ZSWIM9: variants seen among roughly 807,000 people sequenced by gnomAD.
ZSWIM9 encodes the protein zinc finger SWIM-type containing 9, also known as uncharacterized protein ZSWIM9.
Under a neutral mutation model 25.0 loss-of-function variants are expected in ZSWIM9, and 11 were observed. The ratio of observed to expected loss-of-function variants is 0.44; its 90% CI spans 0.28 to 0.73. The LOEUF (loss-of-function observed/expected upper bound fraction) is 0.73, where lower values mean the gene tolerates loss of function less well. ZSWIM9 is among the 30% of genes least tolerant of loss of function. The pLI, the probability that ZSWIM9 is intolerant of heterozygous loss-of-function variation, is 0.16. For missense variants in ZSWIM9, 1,070 were observed against 1,296.5 expected (o/e 0.83, Z 2.68); for synonymous variants, 562 against 582.1 (o/e 0.97, Z 0.50).
In ZSWIM9 at chr19:48,196,442, A is replaced by T; in HGVS notation, c.2378A>T (p.Asp793Val). ...AARSEHLAAG[D>V]GLQEGGEDGP... Reference sequence around the variant, plus strand: ...AGGAGTGAACACCTGGCTGCAGGTGACGGCCTGCAGGAAGGAGGCGAAGAT... The same window carrying T: ...AGGAGTGAACACCTGGCTGCAGGTGTCGGCCTGCAGGAAGGAGGCGAAGAT... The change falls in exon 4 of 4, where the codon GAC (aspartate) becomes GTC (valine). Residue 793 changes from aspartate (D) to valine (V), a missense_variant. By Grantham distance (152) the Asp-to-Val change is radical. This residue lies in a region of ZSWIM9 where 583 missense variants were observed against 624.7 expected (regional missense o/e 0.93). Transcript: ENST00000614654. The T allele has an allele frequency of 8.1e-7, 1 of 1,232,404 alleles. No individual in the cohort carries two copies. Among genetic ancestry groups the T allele is most frequent in the Non-Finnish European group, 1.0e-6 (1 of 988,270 alleles). 76.3% of individuals were successfully genotyped at this position (1,232,404 alleles called of 1,614,324 possible).
At chr19:48,173,743 T>C (rs1007505600) in intron 2 of ZSWIM9, among the ~76,000 whole-genome samples, 3 of 152,132 alleles carry the variant, frequency 2.0e-5, no homozygotes, top group African/African-American at 7.2e-5. Context: ...CTCAAGCAAT[T>C]CTCCTGCCTT....
intron 3 of ZSWIM9, among the ~76,000 whole-genome samples, chr19:48,183,435 T>C (rs987642510): frequency 1.3e-5 from 2 of 151,754 alleles, no homozygotes; most frequent in African/African-American, 4.8e-5. Context: ...CCTGAATTTA[T>C]TCTAATTAAT....
Position 48,171,840 on chromosome 19 carries a change from G to GGCAGGAGGA in ZSWIM9, c.46_54dup (p.Glu16_Glu18dup), listed in dbSNP as rs1453902606. 1.5e-5 allele frequency: 23 copies of GGCAGGAGGA among 1,534,450 alleles called. No individual in the cohort carries two copies. The Middle Eastern group carries it at 5.5e-4, about 37-fold the overall frequency. On this transcript the variant is annotated inframe_insertion, in exon 2 of 4. Coordinates refer to ENST00000614654, the MANE Select transcript of ZSWIM9 (RefSeq NM_199341.4). ...GAGCCCCCACCCGGCACGGCTGCGG[G>GGCAGGAGGA]GCAGGAGGAGCAGGAGCTGCGGGAG...
chr19:48,177,689 G>A (rs574908582), intron 2 of ZSWIM9, among the ~76,000 whole-genome samples: 28 of 152,244 alleles, frequency 1.8e-4, no homozygotes, highest in African/African-American at 6.5e-4. Context: ...GAAACACCTA[G>A]GCTGAAGGAA....
chr19:48,195,408 T>C lies in ZSWIM9; in HGVS notation c.1344T>C (p.Asp448=). 1 of 1,465,528 alleles carries C rather than the reference T, an allele frequency of 6.8e-7. No homozygotes were observed. The highest frequency in any genetic ancestry group is 8.9e-7 in the Non-Finnish European group (1 of 1,118,296). 90.8% of individuals were successfully genotyped at this position (1,465,528 alleles called of 1,614,324 possible). The change falls in exon 4 of 4, where the codon GAT becomes GAC. Residue 448 remains aspartate (D), a synonymous_variant. Transcript: ENST00000614654. The surrounding 1 kb of genome is among the most constrained non-coding windows in gnomAD (Gnocchi z 5.8). ...AAGEAVPEGP[D]GGGPWLEDEP... is the part of the protein sequence containing the mutation. Reference sequence around the variant, plus strand: ...GGGAGGCGGTGCCCGAGGGGCCCGATGGCGGGGGGCCTTGGCTGGAGGATG... The same window carrying C: ...GGGAGGCGGTGCCCGAGGGGCCCGACGGCGGGGGGCCTTGGCTGGAGGATG...
At position 48,196,268 on chromosome 19, in the gene ZSWIM9, G is replaced by A. The variant is rs2037164132; in HGVS notation, c.2204G>A (p.Gly735Glu). Residue 735 changes from glycine to glutamate, a missense_variant, in exon 4 of 4, where the codon GGA (glycine) becomes GAA (glutamate). Around this residue, in one of 4 missense-constraint regions of ZSWIM9, gnomAD observed 583 missense variants for 624.7 expected, o/e 0.93. Transcript: ENST00000614654. ...GGCATGGAGAATGGAGATGGAGGGG[G>A]AGCCCGGTCCGTGGGCCCCAAGAGC... ...VTGMENGDGGGARSVGPKSRA... is the reference protein window; with the variant it reads ...VTGMENGDGGEARSVGPKSRA... 8.1e-7 allele frequency: 1 copy of A among 1,233,532 alleles called. No individual in the cohort carries two copies. 76.4% of individuals were successfully genotyped at this position (1,233,532 alleles called of 1,614,324 possible).
At chr19:48,187,481 A>AT (rs1568579493) in intron 3 of ZSWIM9, among the ~76,000 whole-genome samples, 6 of 63,368 alleles carry the variant, frequency 9.5e-5, no homozygotes, top group African/African-American at 4.2e-4. Context: ...TATATATATT[A>AT]TATATTATAT....
rs1422829386 is a variant in ZSWIM9 at position 48,182,658 on chromosome 19, C to A, written c.479C>A (p.Ala160Asp). ...AACAAGATCTCCAAGCAGTTCGTGGCCCCAGCCGACGTGCGCCGCCTGCTG... is the reference window on the plus strand; with the variant it reads ...AACAAGATCTCCAAGCAGTTCGTGGACCCAGCCGACGTGCGCCGCCTGCTG... ...TTNKISKQFV[A>D]PADVRRLLSY... The change falls in exon 3 of 4, where the codon GCC (alanine) becomes GAC (aspartate). Residue 160 changes from alanine (A) to aspartate (D), a missense_variant. By Grantham distance (126) the Ala-to-Asp change is moderately radical. Around this residue, in one of 4 missense-constraint regions of ZSWIM9, gnomAD observed 265 missense variants for 339.0 expected, o/e 0.78. Transcript: ENST00000614654. This position sits in a 1 kb window ranked among gnomAD's most constrained non-coding sequence, Gnocchi z 4.6. 6.5e-7 allele frequency: 1 copy of A among 1,535,704 alleles called. No homozygotes were observed. The highest frequency in any genetic ancestry group is 1.4e-5 in the African/African-American group (1 of 73,036).
intron 3 of ZSWIM9, among the ~76,000 whole-genome samples, chr19:48,190,235 T>C (rs1305225701): frequency 6.6e-6 from 1 of 151,146 alleles, no homozygotes; most frequent in Non-Finnish European, 1.5e-5. Flanking sequence ...AATTAAGCAA[T>C]AGTCCCAACA....
At chr19:48,173,173 G>A (rs2036857990) in intron 2 of ZSWIM9, among the ~76,000 whole-genome samples, 1 of 152,210 alleles carries the variant, frequency 6.6e-6, no homozygotes, top group South Asian at 2.1e-4. Context: ...AAAGATTGAC[G>A]TTAAAAGAAC....
intron 1 of ZSWIM9, among the ~76,000 whole-genome samples, chr19:48,171,062 C>T (rs2036793001): frequency 6.6e-6 from 1 of 152,106 alleles, no homozygotes; most frequent in Admixed American, 6.5e-5. Context: ...GGAGAACTAG[C>T]CACAAGTGGG....
At chr19:48,183,735 C>A (rs1372101731) in intron 3 of ZSWIM9, among the ~76,000 whole-genome samples, 2 of 150,914 alleles carry the variant, frequency 1.3e-5, no homozygotes, top group Non-Finnish European at 2.9e-5. Flanking sequence ...GTCCCAGGCT[C>A]AAGCAATCCT....
chr19:48,173,547 G>A (rs2036862507), intron 2 of ZSWIM9, among the ~76,000 whole-genome samples: 1 of 151,900 alleles, frequency 6.6e-6, no homozygotes, highest in South Asian at 2.1e-4. Flanking sequence ...AGGCTGAGGT[G>A]ATCTGCCCAC....
intron 2 of ZSWIM9, chr19:48,181,068 G>C (rs767105859): frequency 4.0e-5 from 6 of 151,694 alleles, no homozygotes; most frequent in African/African-American, 1.2e-4. Context: ...GATTACAGGC[G>C]TGAGCCACCA....
intron 3 of ZSWIM9, among the ~76,000 whole-genome samples, chr19:48,185,371 G>A (rs1357647090): frequency 1.4e-4 from 21 of 152,130 alleles, no homozygotes; most frequent in Admixed American, 1.4e-3. Context: ...CTGACCTCAG[G>A]TGATCCCCCC....
intron 2 of ZSWIM9, among the ~76,000 whole-genome samples, chr19:48,177,499 G>A (rs919799834): frequency 1.3e-5 from 2 of 152,164 alleles, no homozygotes; most frequent in Admixed American, 1.3e-4. Flanking sequence ...CATTTAGCGG[G>A]GGGATGACAT....
In ZSWIM9 at chr19:48,194,720, G is replaced by A; in HGVS notation, c.656G>A (p.Arg219Lys). The change falls in exon 4 of 4, where the codon AGG becomes AAG. Residue 219 changes from arginine to lysine, a missense_variant. Coordinates refer to ENST00000614654, the MANE Select transcript of ZSWIM9 (RefSeq NM_199341.4). The surrounding 1 kb of genome is among the most constrained non-coding windows in gnomAD (Gnocchi z 6.0). ...ETVFFLTSRT[R>K]ALLRRFPRML... The stretch of plus-strand genomic sequence containing the variant: ...GTGTTCTTCCTGACGTCGCGCACCA[G>A]GGCGCTGCTGCGGCGCTTCCCTCGC... 1 of 1,531,758 alleles carries A rather than the reference G, an allele frequency of 6.5e-7. No homozygotes were observed. Among genetic ancestry groups the A allele is most frequent in the East Asian group, 2.5e-5 (1 of 40,650 alleles). The allele number at this position is 1,531,758 out of a possible 1,614,324, so 94.9% of individuals were successfully genotyped here.
chr19:48,187,483 A>T (rs2037033252), intron 3 of ZSWIM9, among the ~76,000 whole-genome samples: 2 of 56,416 alleles, frequency 3.5e-5, no homozygotes, highest in Non-Finnish European at 6.2e-5. Flanking sequence ...TATATATTAT[A>T]TATTATATTA....
In ZSWIM9 at chr19:48,194,559, T is replaced by A; in HGVS notation, c.589-94T>A. 1 of 1,285,396 alleles carries A rather than the reference T, an allele frequency of 7.8e-7. No homozygotes were observed. The highest frequency in any genetic ancestry group is 1.0e-6 in the Non-Finnish European group (1 of 991,730). 79.6% of individuals were successfully genotyped at this position (1,285,396 alleles called of 1,614,324 possible). A position where few individuals can be genotyped will look rare whatever the true frequency, so the allele number is the denominator to read the frequency against. On this transcript the variant is annotated intron_variant, in intron 3 of 3. Transcript: ENST00000614654. The surrounding 1 kb of genome is among the most constrained non-coding windows in gnomAD (Gnocchi z 6.0). ...AGGCAAGAATGAATGGGTGGTCCCA[T>A]TTCCGTAGAAGGGGAAACCGAGGTC...
Sources: gnomAD v4.1 joint callset for allele counts (sites outside exome capture counted in the v4.1 genomes callset) on GRCh38, gnomAD v4.1.1 for gene constraint, gnomAD v4.1.1 regional missense constraint, Gnocchi (gnomAD v3.1) non-coding constraint, MANE v1.5 for transcripts, NCBI Gene and HGNC (gene_info 2026-07-23, HGNC 2026-07-21) for gene names.